The following PDXK variants were observed in gnomAD, a reference collection of about 807,000 sequenced individuals.
PDXK encodes pyridoxal kinase, also known as epididymis secretory sperm binding protein Li 1a.
In PDXK, 15 loss-of-function variants were observed where a neutral mutation model predicts 43.2. The ratio of observed to expected loss-of-function variants is 0.35; its 90% CI spans 0.23 to 0.53. PDXK has a LOEUF of 0.53. Ranked by LOEUF, PDXK falls within the 20% of genes least tolerant of loss-of-function variation. The probability of loss-of-function intolerance (pLI) is 0.92; values close to 1 mark genes in which losing one functional copy is unlikely to be tolerated. For missense variants in PDXK, 343 were observed against 417.0 expected (o/e 0.82, Z 1.54); for synonymous variants, 172 against 165.4 (o/e 1.04, Z -0.31).
In PDXK at chr21:43,732,579, A is replaced by G. The variant is rs1263929056; in HGVS notation, c.88-1490A>G. The G allele has an allele frequency of 7.0e-6, 6 of 857,826 alleles. No individual in the cohort carries two copies. Among genetic ancestry groups the G allele is most frequent in the Non-Finnish European group, 1.2e-5 (6 of 489,554 alleles). 53.1% of individuals were successfully genotyped at this position (857,826 alleles called of 1,614,324 possible). ...TTATCTACACACCCAGAAGCAGTGG[A>G]GCAGAATATTTTGGCAGGATTTTCA... On this transcript the variant is annotated intron_variant, in intron 1 of 10. Transcript: ENST00000291565. The surrounding 1 kb of genome is among the most constrained non-coding windows in gnomAD (Gnocchi z 4.1).
At chr21:43,743,268 T>C (rs61563037) in intron 3 of PDXK, among the ~76,000 whole-genome samples, 2 of 44,388 alleles carry the variant, frequency 4.5e-5, no homozygotes, top group African/African-American at 9.5e-5. Flanking sequence ...TCCCCCCAGC[T>C]CCCGAGCACT....
Position 43,732,576 on chromosome 21 carries a change from T to A in PDXK, c.88-1493T>A. The A allele has an allele frequency of 1.2e-6, 1 of 860,312 alleles. No individual in the cohort carries two copies. The highest frequency in any genetic ancestry group is 2.0e-6 in the Non-Finnish European group (1 of 491,752). 53.3% of individuals were successfully genotyped at this position (860,312 alleles called of 1,614,324 possible). A position where few individuals can be genotyped will look rare whatever the true frequency, so the allele number is the denominator to read the frequency against. On this transcript the variant is annotated intron_variant, in intron 1 of 10. Transcript: ENST00000291565. The surrounding 1 kb of genome is among the most constrained non-coding windows in gnomAD (Gnocchi z 4.1). The stretch of plus-strand genomic sequence containing the variant: ...TAATTATCTACACACCCAGAAGCAG[T>A]GGAGCAGAATATTTTGGCAGGATTT...
Position 43,737,880 on chromosome 21 carries a change from C to T in PDXK, c.142+3757C>T, listed in dbSNP as rs1288843444. On this transcript the variant is annotated intron_variant, in intron 2 of 10. Transcript: ENST00000291565. The surrounding 1 kb of genome is among the most constrained non-coding windows in gnomAD (Gnocchi z 4.8). ...TGAGTTGGACACAAGATCCAAGCGC[C>T]CTCCCCTGTTGGAGAAGGTTCTTGT... The T allele has an allele frequency of 1.0e-5, 10 of 985,468 alleles. No homozygotes were observed. In the East Asian group the frequency reaches 9.1e-4, roughly 89 times the overall value. The allele number at this position is 985,468 out of a possible 1,614,324, so 61.0% of individuals were successfully genotyped here.
Position 43,749,030 on chromosome 21 carries a change from A to G in PDXK, c.414A>G (p.Glu138=). 6.2e-7 allele frequency: 1 copy of G among 1,613,098 alleles called. No homozygotes were observed. Among genetic ancestry groups the G allele is most frequent in the Non-Finnish European group, 8.5e-7 (1 of 1,179,134 alleles). The part of the protein sequence containing the change: ...VPEDLLPVYK[E]KVVPLADIIT... ...AGGACCTCCTTCCCGTCTACAAAGA[A>G]AAAGTGGTGCCGCTTGCAGACATTA... The change falls in exon 6 of 11, where the codon GAA becomes GAG. Residue 138 remains glutamate, a synonymous_variant. Transcript: ENST00000291565.
At position 43,759,096 on chromosome 21, in the gene PDXK, C is replaced by T. The variant is rs2083895518; in HGVS notation, c.*3033C>T. 1 of 152,244 alleles carries T rather than the reference C, an allele frequency of 6.6e-6. No homozygotes were observed. The highest frequency in any genetic ancestry group is 2.4e-5 in the African/African-American group (1 of 41,448). The allele number at this position is 152,244 out of a possible 1,614,324, so 9.4% of individuals were successfully genotyped here. A position where few individuals can be genotyped will look rare whatever the true frequency, so the allele number is the denominator to read the frequency against. On this transcript the variant is annotated 3_prime_UTR_variant, in exon 11 of 11. Coordinates refer to ENST00000291565, the MANE Select transcript of PDXK (RefSeq NM_003681.5). ...TGAGATCACCAGGCAAGAGAGTTGC[C>T]TGCACCAGGTAAGAGGCCAAAGCCC...
Position 43,757,413 on chromosome 21 carries a change from GC to G in PDXK, c.*1353del, listed in dbSNP as rs1431112104. The G allele has an allele frequency of 1.3e-5, 2 of 152,266 alleles. No homozygotes were observed. Among genetic ancestry groups the G allele is most frequent in the Admixed American group, 6.5e-5 (1 of 15,292 alleles). 9.4% of individuals were successfully genotyped at this position (152,266 alleles called of 1,614,324 possible). On this transcript the variant is annotated 3_prime_UTR_variant, in exon 11 of 11. Coordinates refer to ENST00000291565, the MANE Select transcript of PDXK (RefSeq NM_003681.5). ...AAATAGGGAGATGCAGGAAGTGGGG[GC>G]CCATGGGGCCCCCAAGAAGCGGACT...
Position 43,728,727 on chromosome 21 carries a change from C to G in PDXK, c.88-5342C>G, listed in dbSNP as rs951086978. 3.1e-5 allele frequency: 31 copies of G among 985,514 alleles called. No homozygotes were observed. In the Admixed American group the frequency reaches 5.5e-4, roughly 18 times the overall value. The allele number at this position is 985,514 out of a possible 1,614,324, so 61.0% of individuals were successfully genotyped here. On this transcript the variant is annotated intron_variant, in intron 1 of 10. Coordinates refer to ENST00000291565, the MANE Select transcript of PDXK (RefSeq NM_003681.5). ...GAGGAGGGCTGCTCACACCACCGGC[C>G]GAGGGAGGAGGACTGCGGGCTGCGC...
In PDXK at chr21:43,719,171, A is replaced by G. The variant is rs1271133627; in HGVS notation, c.-124A>G. 1.0e-5 allele frequency: 4 copies of G among 399,348 alleles called. No homozygotes were observed. Among genetic ancestry groups the G allele is most frequent in the African/African-American group, 8.6e-5 (4 of 46,606 alleles). 24.7% of individuals were successfully genotyped at this position (399,348 alleles called of 1,614,324 possible). On this transcript the variant is annotated 5_prime_UTR_variant, in exon 1 of 11. Coordinates refer to ENST00000291565, the MANE Select transcript of PDXK (RefSeq NM_003681.5). ...GCGCTGATCGGGTCCGCCGCGCGCC[A>G]GAGCCAGAGTCGCAGCCGAGGGGAG...
chr21:43,728,421 G>T (rs956961853), intron 1 of PDXK, among the ~76,000 whole-genome samples: 5 of 152,180 alleles, frequency 3.3e-5, no homozygotes, highest in African/African-American at 1.2e-4. Flanking sequence ...TTCGGCTTCT[G>T]TGCAGCGCTC....
intron 1 of PDXK, among the ~76,000 whole-genome samples, chr21:43,720,680 G>A (rs541342803): frequency 1.6e-3 from 245 of 152,284 alleles, no homozygotes; most frequent in African/African-American, 5.6e-3. Flanking sequence ...GCTTGAGGGG[G>A]TTGGGGGAGG....
In PDXK at chr21:43,735,697, AG is replaced by A. The variant is rs2083389648; in HGVS notation, c.142+1575del. On this transcript the variant is annotated intron_variant, in intron 2 of 10. Coordinates refer to ENST00000291565, the MANE Select transcript of PDXK (RefSeq NM_003681.5). The surrounding 1 kb of genome is among the most constrained non-coding windows in gnomAD (Gnocchi z 5.3). The stretch of plus-strand genomic sequence containing the variant: ...TGGTTTAGGACCCCTTAGCCAGCTC[AG>A]TCTATGGCTGTGGGCTGGCTCCCAG... 6.6e-6 allele frequency among the ~76,000 whole-genome samples: 1 copy of A among 151,630 alleles called. No homozygotes were observed. The highest frequency in any genetic ancestry group is 1.5e-5 in the Non-Finnish European group (1 of 67,916).
At chr21:43,729,765 A>T (rs2083294538) in intron 1 of PDXK, among the ~76,000 whole-genome samples, 1 of 151,904 alleles carries the variant, frequency 6.6e-6, no homozygotes. Flanking sequence ...TATAGGCAAT[A>T]TTTCTCCACA....
rs1286770444 is a variant in PDXK at position 43,759,086 on chromosome 21, A to G, written c.*3023A>G. The G allele has an allele frequency of 6.6e-6, 1 of 152,246 alleles. No homozygotes were observed. The highest frequency in any genetic ancestry group is 1.5e-5 in the Non-Finnish European group (1 of 68,044). The allele number at this position is 152,246 out of a possible 1,614,324, so 9.4% of individuals were successfully genotyped here. On this transcript the variant is annotated 3_prime_UTR_variant, in exon 11 of 11. Transcript: ENST00000291565. Reference sequence around the variant, plus strand: ...GTCTCCATCTTGAGATCACCAGGCAAGAGAGTTGCCTGCACCAGGTAAGAG... The same window carrying G: ...GTCTCCATCTTGAGATCACCAGGCAGGAGAGTTGCCTGCACCAGGTAAGAG...
chr21:43,737,213 C>A lies in PDXK; in HGVS notation c.142+3090C>A. 7.0e-7 allele frequency: 1 copy of A among 1,435,086 alleles called. No homozygotes were observed. The highest frequency in any genetic ancestry group is 9.1e-7 in the Non-Finnish European group (1 of 1,097,070). The allele number at this position is 1,435,086 out of a possible 1,614,324, so 88.9% of individuals were successfully genotyped here. On this transcript the variant is annotated intron_variant, in intron 2 of 10. Transcript: ENST00000291565. This position sits in a 1 kb window ranked among gnomAD's most constrained non-coding sequence, Gnocchi z 4.8. ...TCCACACAAGCTGCGTTGTTGGTTC[C>A]CTGACGCCCTTCAGGCTGGGGGGTG... is the stretch of plus-strand genomic sequence containing the variant.
rs1409254586 is a variant in PDXK, at chr21:43,743,662, G to A, written c.248-62G>A. Reference sequence around the variant, plus strand: ...TCTGCTGGTGCTTCTCTTTCTTTGTGCCACAGTTGATCGTGGTGAGTCTCC... The same window carrying A: ...TCTGCTGGTGCTTCTCTTTCTTTGTACCACAGTTGATCGTGGTGAGTCTCC... On this transcript the variant is annotated intron_variant, in intron 3 of 10. Coordinates refer to ENST00000291565, the MANE Select transcript of PDXK (RefSeq NM_003681.5). 5.9e-6 allele frequency: 7 copies of A among 1,187,552 alleles called. No homozygotes were observed. In the African/African-American group the frequency reaches 1.1e-4, roughly 18 times the overall value. The allele number at this position is 1,187,552 out of a possible 1,614,324, so 73.6% of individuals were successfully genotyped here.
At chr21:43,739,587 C>CG (rs1434451701) in intron 2 of PDXK, among the ~76,000 whole-genome samples, 2 of 148,548 alleles carry the variant, frequency 1.3e-5, no homozygotes, top group Non-Finnish European at 3.0e-5. Flanking sequence ...CTGAGGGGCC[C>CG]AGGGTTTTAA....
chr21:43,724,649 G>A (rs35128573), intron 1 of PDXK, among the ~76,000 whole-genome samples: 2,935 of 150,926 alleles, frequency 0.019, 93 homozygotes, highest in African/African-American at 0.066. Flanking sequence ...TGAGACCACC[G>A]TGGGCAACAT....
intron 1 of PDXK, among the ~76,000 whole-genome samples, chr21:43,721,072 C>T (rs2083203063): frequency 6.6e-6 from 1 of 152,220 alleles, no homozygotes; most frequent in Non-Finnish European, 1.5e-5. Context: ...CTGTGGGCTC[C>T]ACAGGGTTCC....
At chr21:43,743,014 C>T (rs1392034329) in intron 3 of PDXK, among the ~76,000 whole-genome samples, 8 of 152,148 alleles carry the variant, frequency 5.3e-5, no homozygotes, top group African/African-American at 1.4e-4. Context: ...GTCTGCCCTC[C>T]GTGTCTTTCA....
Sources: allele counts gnomAD v4.1 joint callset (sites outside exome capture counted in the v4.1 genomes callset), GRCh38; gene constraint gnomAD v4.1.1; non-coding constraint Gnocchi (gnomAD v3.1); transcripts MANE v1.5; gene names NCBI Gene and HGNC (gene_info 2026-07-23, HGNC 2026-07-21).